Variants in LUC7L3 observed in about 807,000 individuals in gnomAD.
The protein encoded by LUC7L3 is LUC7 like 3 pre-mRNA splicing factor.
In LUC7L3, 6 loss-of-function variants were observed where a neutral mutation model predicts 66.8. The ratio of observed to expected loss-of-function variants is 0.09; its 90% CI spans 0.05 to 0.18. LUC7L3 has a LOEUF of 0.18. Among genes scored for constraint, LUC7L3 ranks in the 10% least tolerant of loss-of-function variants. LUC7L3 has a pLI of 1.00. For missense variants in LUC7L3, 341 were observed against 531.1 expected, an observed-to-expected ratio of 0.64 and a Z score of 3.52; for synonymous variants, 160 against 174.7, an observed-to-expected ratio of 0.92 and a Z score of 0.66.
At chr17:50,734,978 C>A (rs1426705292) in intron 1 of LUC7L3, among the ~76,000 whole-genome samples, 6 of 152,060 alleles carry the variant, frequency 3.9e-5, no homozygotes, top group Non-Finnish European at 8.8e-5. Context: ...GGCCTGTAAT[C>A]CTAGCACTTT....
intron 2 of LUC7L3, among the ~76,000 whole-genome samples, chr17:50,739,360 T>C (rs1055292346): frequency 1.3e-5 from 2 of 151,998 alleles, no homozygotes; most frequent in Non-Finnish European, 2.9e-5. Context: ...TGAGAAGAAT[T>C]TGAAAATATA....
intron 1 of LUC7L3, among the ~76,000 whole-genome samples, chr17:50,729,942 A>G (rs188375760): frequency 0.064 from 1,940 of 30,494 alleles, 53 homozygotes; most frequent in African/African-American, 0.1. Context: ...ATATATATAT[A>G]TATGTATGTA....
At chr17:50,740,965 C>G in intron 3 of LUC7L3, 137 bp from the exon 4 acceptor site, 1 of 804,938 alleles carries the variant, frequency 1.2e-6, no homozygotes, top group Admixed American at 1.9e-5. Flanking sequence ...GAGGGGCAAT[C>G]AGAAAGTCAC....
At chr17:50,726,761 C>G (rs1190248219) in intron 1 of LUC7L3, among the ~76,000 whole-genome samples, 2 of 152,038 alleles carry the variant, frequency 1.3e-5, no homozygotes, top group South Asian at 2.1e-4. Context: ...CCTAAACATT[C>G]TACAGTGCAC....
Position 50,754,959 on chromosome 17 carries a change from T to G in LUC7L3, c.*4298T>G, listed in dbSNP as rs2143111517. On this transcript the variant is annotated 3_prime_UTR_variant, in exon 10 of 10. Transcript: ENST00000505658. ...TTCTCTGAGCCCTCATCCATTCTGTTTTTAAAAATGCATTGCAGATGGGCT... is the reference window on the plus strand; with the variant it reads ...TTCTCTGAGCCCTCATCCATTCTGTGTTTAAAAATGCATTGCAGATGGGCT... 6.6e-6 allele frequency: 1 copy of G among 152,316 alleles called. No individual in the cohort carries two copies. Among genetic ancestry groups the G allele is most frequent in the South Asian group, 2.1e-4 (1 of 4,822 alleles). 9.4% of individuals were successfully genotyped at this position (152,316 alleles called of 1,614,324 possible).
intron 6 of LUC7L3, among the ~76,000 whole-genome samples, chr17:50,744,400 G>T (rs1483391136): frequency 6.6e-6 from 1 of 152,202 alleles, no homozygotes; most frequent in African/African-American, 2.4e-5. Flanking sequence ...TTTAAATTTT[G>T]TAAGGTAATG....
chr17:50,735,958 C>A (rs1021378827), intron 1 of LUC7L3, among the ~76,000 whole-genome samples: 1 of 152,140 alleles, frequency 6.6e-6, no homozygotes, highest in African/African-American at 2.4e-5. Context: ...CATGGTGAAA[C>A]CCTGTCTGTA....
At chr17:50,739,826 A>G (rs1970232761) in intron 2 of LUC7L3, among the ~76,000 whole-genome samples, 1 of 152,242 alleles carries the variant, frequency 6.6e-6, no homozygotes, top group Non-Finnish European at 1.5e-5. Context: ...ATAGAATTTT[A>G]AAAGGTGGAG....
chr17:50,734,763 C>T (rs1380211319), intron 1 of LUC7L3, among the ~76,000 whole-genome samples: 1 of 152,098 alleles, frequency 6.6e-6, no homozygotes, highest in Non-Finnish European at 1.5e-5. Context: ...AGTGGCTTGC[C>T]TAGCTTAAAC....
chr17:50,749,371 C>A, intron 9 of LUC7L3: 1 of 1,277,564 alleles, frequency 7.8e-7, no homozygotes, highest in South Asian at 1.3e-5. Context: ...TGTCCTGGCA[C>A]AGTTCTCACA....
intron 9 of LUC7L3, among the ~76,000 whole-genome samples, chr17:50,747,546 TTCTACCTG>T (rs1970756208): frequency 6.6e-6 from 1 of 152,158 alleles, no homozygotes. Flanking sequence ...TTTCATTTCA[TTCTACCTG>T]TCTCCATGTT....
chr17:50,734,485 T>G (rs1969850203), intron 1 of LUC7L3, among the ~76,000 whole-genome samples: 1 of 152,040 alleles, frequency 6.6e-6, no homozygotes, highest in Admixed American at 6.6e-5. Flanking sequence ...TTTTATTATG[T>G]TCTTAGAGAC....
intron 6 of LUC7L3, 122 bp downstream of exon 6, chr17:50,743,932 AC>A: frequency 1.4e-6 from 1 of 718,056 alleles, no homozygotes; most frequent in Non-Finnish European, 2.3e-6. Flanking sequence ...TTTGTAGCCC[AC>A]AAGGTCTGTG....
chr17:50,735,363 C>T (rs994251227), intron 1 of LUC7L3, among the ~76,000 whole-genome samples: 1 of 151,918 alleles, frequency 6.6e-6, no homozygotes, highest in Non-Finnish European at 1.5e-5. Context: ...AGTGTAAAGC[C>T]GTTGAGGAAA....
intron 9 of LUC7L3, among the ~76,000 whole-genome samples, chr17:50,748,582 C>T (rs904764082): frequency 1.3e-5 from 2 of 151,820 alleles, no homozygotes; most frequent in African/African-American, 4.8e-5. Context: ...CCTCAGTCTC[C>T]TAAAGTGCTG....
intron 1 of LUC7L3, among the ~76,000 whole-genome samples, chr17:50,721,601 C>A (rs1439200888): frequency 6.6e-6 from 1 of 152,166 alleles, no homozygotes; most frequent in African/African-American, 2.4e-5. Flanking sequence ...TTGATATCTG[C>A]AGGGAAAATG....
chr17:50,742,404 G>GCT (rs1288168299), intron 5 of LUC7L3, among the ~76,000 whole-genome samples: 1 of 152,044 alleles, frequency 6.6e-6, no homozygotes, highest in Non-Finnish European at 1.5e-5. Flanking sequence ...TGTCACCCAT[G>GCT]CTGGAGTGCA....
At chr17:50,727,386 G>A (rs929107524) in intron 1 of LUC7L3, among the ~76,000 whole-genome samples, 2 of 152,156 alleles carry the variant, frequency 1.3e-5, no homozygotes, top group Non-Finnish European at 2.9e-5. Context: ...GCTAGCATGC[G>A]CAAAGATCAC....
intron 9 of LUC7L3, among the ~76,000 whole-genome samples, chr17:50,750,013 C>A (rs534376981): frequency 7.0e-4 from 106 of 152,150 alleles, no homozygotes; most frequent in Non-Finnish European, 9.0e-4. Flanking sequence ...CTTGGATATT[C>A]AAATATATAT....
Sources: allele counts gnomAD v4.1 joint callset (sites outside exome capture counted in the v4.1 genomes callset), GRCh38; gene constraint gnomAD v4.1.1; transcripts MANE v1.5; gene names NCBI Gene and HGNC (gene_info 2026-07-23, HGNC 2026-07-21).